Variants in MAML3 observed in about 807,000 individuals in gnomAD.
MAML3 encodes the protein mastermind like transcriptional coactivator 3.
Under a neutral mutation model 101.9 loss-of-function variants are expected in MAML3, and 27 were observed. The ratio of observed to expected loss-of-function variants is 0.27; its 90% CI spans 0.20 to 0.37. The LOEUF is 0.37. MAML3 is among the 10% of genes least tolerant of loss of function. The pLI is 1.00. For synonymous variants in MAML3, 501 were observed against 555.9 expected (o/e 0.90, Z 1.39); for missense variants, 1,316 against 1,444.9 (o/e 0.91, Z 1.45).
Position 139,890,551 on chromosome 4 carries a change from C to T in MAML3, c.885G>A (p.Gln295=), listed in dbSNP as rs756516423. The change falls in exon 2 of 5, where the codon CAG becomes CAA. Residue 295 remains glutamine (Q), a synonymous_variant. Coordinates refer to ENST00000509479, the MANE Select transcript of MAML3 (RefSeq NM_018717.5). The surrounding 1 kb of genome is among the most constrained non-coding windows in gnomAD (Gnocchi z 4.1). ...GATTAATGTCTGAGAACAGCTTGTT[C>T]TGATTTGAAAGAGATGTTTCTGATG... The part of the protein sequence containing the change: ...IDTSETSLSN[Q]NKLFSDINLN... 1.9e-6 allele frequency: 3 copies of T among 1,613,890 alleles called. No individual in the cohort carries two copies. In the African/African-American group the frequency reaches 4.0e-5, roughly 22 times the overall value.
chr4:140,025,264 C>T lies in MAML3; in HGVS notation c.468+127596G>A, dbSNP rs558430515. Among the ~76,000 whole-genome samples the T allele has an allele frequency of 1.3e-4, 20 of 152,176 alleles. No individual in the cohort carries two copies. The South Asian group carries it at 4.0e-3, about 30-fold the overall frequency. On this transcript the variant is annotated intron_variant, in intron 1 of 4. Coordinates refer to ENST00000509479, the MANE Select transcript of MAML3 (RefSeq NM_018717.5). The stretch of plus-strand genomic sequence containing the variant: ...GCATCATTGTTATATGAGAACTCTC[C>T]ATTTTTCTGAGAAATAACCTAAAGT...
At chr4:139,864,932 T>TG (rs1560818191) in intron 2 of MAML3, among the ~76,000 whole-genome samples, 1 of 140,574 alleles carries the variant, frequency 7.1e-6, no homozygotes, top group Non-Finnish European at 1.5e-5. Flanking sequence ...GCTTTTTTTT[T>TG]TTTTTTTTTT....
intron 2 of MAML3, among the ~76,000 whole-genome samples, chr4:139,847,377 G>A (rs1490126657): frequency 6.6e-6 from 1 of 152,112 alleles, no homozygotes; most frequent in Non-Finnish European, 1.5e-5. Context: ...TGTTCAAGGA[G>A]TCCTGCAAGA....
At chr4:139,989,666 T>C (rs1396967669) in intron 1 of MAML3, among the ~76,000 whole-genome samples, 3 of 152,072 alleles carry the variant, frequency 2.0e-5, no homozygotes, top group African/African-American at 7.2e-5. Flanking sequence ...CCTGTTTGTC[T>C]TCCTACCCAG....
intron 1 of MAML3, among the ~76,000 whole-genome samples, chr4:140,044,368 G>A (rs371043443): frequency 2.6e-5 from 4 of 152,184 alleles, no homozygotes; most frequent in African/African-American, 4.8e-5. Context: ...AATGAAAATT[G>A]TTTTGTATTA....
chr4:139,852,403 GTTTTTTT>G (rs67349785), intron 2 of MAML3, among the ~76,000 whole-genome samples: 2 of 68,326 alleles, frequency 2.9e-5, no homozygotes, highest in Non-Finnish European at 5.3e-5. Flanking sequence ...TCAGAAGACT[GTTTTTTT>G]TTTTTTTTTT....
intron 2 of MAML3, among the ~76,000 whole-genome samples, chr4:139,805,602 T>G (rs966199837): frequency 6.6e-6 from 1 of 152,168 alleles, no homozygotes; most frequent in Non-Finnish European, 1.5e-5. Flanking sequence ...AAGACTTGAG[T>G]GAATGGAGAT....
In MAML3 at chr4:139,730,221, A is replaced by C. The variant is rs540074221; in HGVS notation, c.2331+195T>G. 117 of 611,008 alleles carry C rather than the reference A, an allele frequency of 1.9e-4. No homozygotes were observed. In the African/African-American group the frequency reaches 2.0e-3, roughly 11 times the overall value. The allele number at this position is 611,008 out of a possible 1,614,324, so 37.8% of individuals were successfully genotyped here. ...GGCTGGAGCCTGTCTTTTAAGAACA[A>C]ATTAATTCATTATAGGAAAAACCCT... is the stretch of plus-strand genomic sequence containing the variant. On this transcript the variant is annotated intron_variant, in intron 3 of 4. Coordinates refer to ENST00000509479, the MANE Select transcript of MAML3 (RefSeq NM_018717.5).
At chr4:139,846,496 C>T (rs1244849609) in intron 2 of MAML3, among the ~76,000 whole-genome samples, 1 of 152,042 alleles carries the variant, frequency 6.6e-6, no homozygotes. Flanking sequence ...TATAGGCGTG[C>T]ACCACCACAC....
At chr4:140,058,765 A>T (rs1727395915) in intron 1 of MAML3, among the ~76,000 whole-genome samples, 2 of 151,964 alleles carry the variant, frequency 1.3e-5, no homozygotes, top group Non-Finnish European at 2.9e-5. Flanking sequence ...TTGTTTTATA[A>T]TTTTTTTCCT....
intron 1 of MAML3, among the ~76,000 whole-genome samples, chr4:140,101,842 A>G (rs2110997232): frequency 6.6e-6 from 1 of 151,706 alleles, no homozygotes; most frequent in East Asian, 1.9e-4. Flanking sequence ...GTGCTGGGTC[A>G]GCTGAGCATT....
intron 1 of MAML3, among the ~76,000 whole-genome samples, chr4:139,933,039 G>T (rs1733432933): frequency 6.6e-6 from 1 of 152,170 alleles, no homozygotes; most frequent in Non-Finnish European, 1.5e-5. Flanking sequence ...ACAGCAGACA[G>T]ACAGGCCAAG....
intron 1 of MAML3, among the ~76,000 whole-genome samples, chr4:140,009,685 T>G (rs564530064): frequency 1.5e-3 from 221 of 152,286 alleles, no homozygotes; most frequent in African/African-American, 4.9e-3. Context: ...AACAAATACA[T>G]AAAGAGTACC....
At chr4:140,100,753 T>C (rs1728240808) in intron 1 of MAML3, among the ~76,000 whole-genome samples, 1 of 152,306 alleles carries the variant, frequency 6.6e-6, no homozygotes, top group South Asian at 2.1e-4. Context: ...CATGGACAGA[T>C]GTGTCTATTC....
intron 1 of MAML3, among the ~76,000 whole-genome samples, chr4:140,129,328 G>A (rs1371528915): frequency 6.6e-6 from 1 of 152,154 alleles, no homozygotes; most frequent in Non-Finnish European, 1.5e-5. Context: ...TAGAACACAA[G>A]TTGTCCCGTT....
At chr4:140,055,012 C>T (rs1727329841) in intron 1 of MAML3, among the ~76,000 whole-genome samples, 2 of 152,128 alleles carry the variant, frequency 1.3e-5, no homozygotes, top group South Asian at 4.1e-4. Flanking sequence ...AACAAATTTC[C>T]TGACACTAAA....
At chr4:139,803,813 A>T (rs1730657242) in intron 2 of MAML3, among the ~76,000 whole-genome samples, 1 of 152,182 alleles carries the variant, frequency 6.6e-6, no homozygotes, top group Non-Finnish European at 1.5e-5. Flanking sequence ...ACTCAATTTC[A>T]TAGAAGAGGA....
chr4:139,941,163 TA>T (rs1388449269), intron 1 of MAML3, among the ~76,000 whole-genome samples: 1 of 152,252 alleles, frequency 6.6e-6, no homozygotes, highest in Non-Finnish European at 1.5e-5. Flanking sequence ...TTTTTAGATT[TA>T]GCTGTACATT....
chr4:139,986,344 G>A (rs571124190), intron 1 of MAML3, among the ~76,000 whole-genome samples: 1 of 152,260 alleles, frequency 6.6e-6, no homozygotes, highest in Admixed American at 6.5e-5. Flanking sequence ...CAAGATCCAA[G>A]GATAAAGCAT....
Sources: allele counts gnomAD v4.1 joint callset (sites outside exome capture counted in the v4.1 genomes callset), GRCh38; gene constraint gnomAD v4.1.1; non-coding constraint Gnocchi (gnomAD v3.1); transcripts MANE v1.5; gene names NCBI Gene and HGNC (gene_info 2026-07-23, HGNC 2026-07-21).